CTBP2: variants seen among roughly 807,000 people sequenced by gnomAD.
CTBP2 encodes the protein C-terminal-binding protein 2.
In CTBP2, 30 loss-of-function variants were observed where a neutral mutation model predicts 80.3. That is an observed-to-expected ratio of 0.37 (90% CI 0.28 to 0.51). CTBP2 has a LOEUF of 0.51. Among genes scored for constraint, CTBP2 ranks in the 20% least tolerant of loss-of-function variants. The pLI is 0.93. For synonymous variants in CTBP2, 594 were observed against 587.4 expected (o/e 1.01, Z -0.16); for missense variants, 1,212 against 1,375.3 (o/e 0.88, Z 1.88).
At position 125,026,189 on chromosome 10, in the gene CTBP2, A is replaced by G. The variant is rs1957527034; in HGVS notation, c.1571T>C (p.Leu524Pro). Reference sequence around the variant, plus strand: ...GTGGAGGCTCTGGCTGGCCGGCGGCAGGGTGGATGGCCCCAGGGGTGCACC... The same window carrying G: ...GTGGAGGCTCTGGCTGGCCGGCGGCGGGGTGGATGGCCCCAGGGGTGCACC... Residue 524 changes from leucine to proline, a missense_variant, in exon 1 of 9, where the codon CTG becomes CCG. Leu to Pro is a moderately conservative substitution (Grantham distance 98). Around this residue, in one of 3 missense-constraint regions of CTBP2, gnomAD observed 848 missense variants for 782.3 expected, o/e 1.08. Coordinates refer to ENST00000309035, the MANE Select transcript of CTBP2 (RefSeq NM_022802.3). 1.2e-6 allele frequency: 2 copies of G among 1,611,968 alleles called. No homozygotes were observed. The highest frequency in any genetic ancestry group is 1.7e-5 in the Admixed American group (1 of 59,946).
intron 2 of CTBP2, among the ~76,000 whole-genome samples, chr10:125,043,522 C>T (rs1028017454): frequency 4.6e-5 from 7 of 152,140 alleles, no homozygotes; most frequent in Non-Finnish European, 1.0e-4. Context: ...CTGCAAGCTC[C>T]GCCTCCCAGG....
Position 124,985,713 on chromosome 10 carries a change from G to A in CTBP2, c.*3805C>T, listed in dbSNP as rs1363019534. ...TATTTAGATATTTATTTGTTGGGAA[G>A]AATACCTTAAAATGAGGGTTCTTAT... is the stretch of plus-strand genomic sequence containing the variant. On this transcript the variant is annotated 3_prime_UTR_variant, in exon 9 of 9. Coordinates refer to ENST00000309035, the MANE Select transcript of CTBP2 (RefSeq NM_022802.3). The A allele has an allele frequency of 6.6e-6, 1 of 152,534 alleles. No individual in the cohort carries two copies. Among genetic ancestry groups the A allele is most frequent in the Non-Finnish European group, 1.5e-5 (1 of 68,030 alleles). 9.4% of individuals were successfully genotyped at this position (152,534 alleles called of 1,614,324 possible).
At chr10:125,061,621 G>A (rs866470358) in intron 2 of CTBP2, among the ~76,000 whole-genome samples, 6 of 152,268 alleles carry the variant, frequency 3.9e-5, no homozygotes, top group South Asian at 2.1e-4. Flanking sequence ...CAGCGTCTAC[G>A]GCAGCAAAGC....
intron 1 of CTBP2, among the ~76,000 whole-genome samples, chr10:125,142,870 T>C (rs75336855): frequency 0.033 from 4,956 of 152,242 alleles, 238 homozygotes; most frequent in African/African-American, 0.11. Flanking sequence ...CCGCTTCAGA[T>C]GGTTTACTCA....
intron 2 of CTBP2, among the ~76,000 whole-genome samples, chr10:125,097,006 C>T (rs1849644955): frequency 6.6e-6 from 1 of 152,130 alleles, no homozygotes; most frequent in Non-Finnish European, 1.5e-5. Flanking sequence ...TTAAAGTAAA[C>T]CAGTTTTCCC....
chr10:125,098,461 C>G (rs992930081), intron 2 of CTBP2, among the ~76,000 whole-genome samples: 3 of 152,088 alleles, frequency 2.0e-5, no homozygotes, highest in Non-Finnish European at 4.4e-5. Flanking sequence ...TAAGGCATCA[C>G]TTGGTTGATG....
rs1190032540 is a variant in CTBP2, at chr10:125,145,342, GC to G, written c.-206+14976del. ...CCTCAGGAGACTCCTGGCCAGGGGT[GC>G]CTTGGGGACGCCCCTGCTCCAGAAG... On this transcript the variant is annotated intron_variant, in intron 1 of 10. Transcript: ENST00000337195. Among the ~76,000 whole-genome samples the G allele has an allele frequency of 5.3e-4, 81 of 152,224 alleles. 2 individuals carry two copies. The East Asian group carries it at 0.013, about 25-fold the overall frequency.
At chr10:125,144,172 G>T (rs1406831153) in intron 1 of CTBP2, among the ~76,000 whole-genome samples, 1 of 152,108 alleles carries the variant, frequency 6.6e-6, no homozygotes, top group Non-Finnish European at 1.5e-5. Context: ...TCAACCCGGG[G>T]GACTCCCACC....
intron 2 of CTBP2, among the ~76,000 whole-genome samples, chr10:125,082,081 G>A (rs1160810537): frequency 6.6e-6 from 1 of 152,202 alleles, no homozygotes; most frequent in Non-Finnish European, 1.5e-5. Context: ...CCAGCCCGTG[G>A]GCAAGGGAAC....
chr10:125,159,112 G>A (rs1301957933), intron 1 of CTBP2, among the ~76,000 whole-genome samples: 2 of 150,612 alleles, frequency 1.3e-5, no homozygotes, highest in African/African-American at 2.4e-5. Context: ...GCGCGAGGGA[G>A]AGAAAGAAAG....
chr10:125,013,408 C>T (rs1291565285), intron 1 of CTBP2, among the ~76,000 whole-genome samples: 1 of 152,212 alleles, frequency 6.6e-6, no homozygotes, highest in African/African-American at 2.4e-5. Flanking sequence ...AAAATAGTCT[C>T]GTGCGGGCAC....
At chr10:125,073,093 A>G (rs531392364) in intron 2 of CTBP2, among the ~76,000 whole-genome samples, 2 of 152,356 alleles carry the variant, frequency 1.3e-5, no homozygotes, top group South Asian at 4.1e-4. Context: ...CCAAGTCTTC[A>G]GATGTGGCCC....
In CTBP2 at chr10:124,985,494, C is replaced by T. The variant is rs1952012374; in HGVS notation, c.*4024G>A. 1 of 152,730 alleles carries T rather than the reference C, an allele frequency of 6.5e-6. No homozygotes were observed. The highest frequency in any genetic ancestry group is 1.5e-5 in the Non-Finnish European group (1 of 68,136). The allele number at this position is 152,730 out of a possible 1,614,324, so 9.5% of individuals were successfully genotyped here. A position where few individuals can be genotyped will look rare whatever the true frequency, so the allele number is the denominator to read the frequency against. ...AACGTTTTGTACCGATTATCCACAG[C>T]AAAACAAAAATAAGCTTTTATTTTA... is the stretch of plus-strand genomic sequence containing the variant. On this transcript the variant is annotated 3_prime_UTR_variant, in exon 9 of 9. Coordinates refer to ENST00000309035, the MANE Select transcript of CTBP2 (RefSeq NM_022802.3).
intron 3 of CTBP2, among the ~76,000 whole-genome samples, chr10:125,036,824 G>A (rs1958955325): frequency 6.6e-6 from 1 of 151,966 alleles, no homozygotes; most frequent in Non-Finnish European, 1.5e-5. Flanking sequence ...CGGGTTCCTG[G>A]GTGCAAACTG....
intron 2 of CTBP2, among the ~76,000 whole-genome samples, chr10:125,073,566 AT>A (rs1477500087): frequency 6.6e-6 from 1 of 152,168 alleles, no homozygotes; most frequent in African/African-American, 2.4e-5. Context: ...TTCAAATGGG[AT>A]TTATTTTTTA....
intron 2 of CTBP2, among the ~76,000 whole-genome samples, chr10:125,071,213 T>A (rs1845435571): frequency 6.6e-6 from 1 of 152,174 alleles, no homozygotes; most frequent in South Asian, 2.1e-4. Context: ...AGGGGCAGGC[T>A]CCCTGCTCTG....
intron 1 of CTBP2, among the ~76,000 whole-genome samples, chr10:125,152,189 G>A (rs1860091546): frequency 6.6e-6 from 1 of 152,138 alleles, no homozygotes; most frequent in Non-Finnish European, 1.5e-5. Context: ...GAACCCCAGG[G>A]ATGGAGGGGG....
intron 3 of CTBP2, among the ~76,000 whole-genome samples, chr10:125,033,620 G>A (rs916357640): frequency 6.6e-5 from 10 of 152,212 alleles, no homozygotes; most frequent in Non-Finnish European, 1.3e-4. Flanking sequence ...GCTGTCTGCT[G>A]CTGTCTGGCT....
intron 2 of CTBP2, among the ~76,000 whole-genome samples, chr10:125,057,003 T>C (rs910691327): frequency 2.0e-5 from 3 of 152,064 alleles, no homozygotes; most frequent in African/African-American, 7.2e-5. Flanking sequence ...GTCCCCGGGG[T>C]ACACAGGGCA....
Sources: gnomAD v4.1 joint callset for allele counts (sites outside exome capture counted in the v4.1 genomes callset) on GRCh38, gnomAD v4.1.1 for gene constraint, gnomAD v4.1.1 regional missense constraint, MANE v1.5 for transcripts, NCBI Gene and HGNC (gene_info 2026-07-23, HGNC 2026-07-21) for gene names.